Variants in TBC1D5 observed in about 807,000 individuals in gnomAD.
The protein encoded by TBC1D5 is TBC1 domain family, member 5.
A neutral mutation model predicts 100.3 loss-of-function variants in TBC1D5; 75 were observed. The ratio of observed to expected loss-of-function variants is 0.75; its 90% confidence interval spans 0.62 to 0.91. The LOEUF (loss-of-function observed/expected upper bound fraction) is 0.91. Among genes scored for constraint, TBC1D5 ranks in the 40% least tolerant of loss-of-function variants. The pLI is 0.00. For synonymous variants in TBC1D5, 323 were observed against 325.6 expected (o/e 0.99, Z 0.09); for missense variants, 910 against 942.4 (o/e 0.97, Z 0.45).
intron 13 of TBC1D5, among the ~76,000 whole-genome samples, chr3:17,363,660 G>A (rs58035365): frequency 0.061 from 9,165 of 150,880 alleles, 547 homozygotes; most frequent in African/African-American, 0.15. Flanking sequence ...ATATCTTCCC[G>A]CCACGACCTC....
intron 16 of TBC1D5, among the ~76,000 whole-genome samples, chr3:17,257,610 G>T (rs1418168515): frequency 6.6e-6 from 1 of 152,026 alleles, no homozygotes; most frequent in African/African-American, 2.4e-5. Context: ...CTAAGACAAG[G>T]TTCAAATTTC....
intron 19 of TBC1D5, among the ~76,000 whole-genome samples, chr3:17,174,821 T>C (rs1040406864): frequency 1.3e-5 from 2 of 152,170 alleles, no homozygotes; most frequent in Admixed American, 6.5e-5. Context: ...CTCGAACTCC[T>C]GACCTTGTGA....
intron 2 of TBC1D5, among the ~76,000 whole-genome samples, chr3:17,618,880 G>A (rs1219193914): frequency 6.6e-6 from 1 of 152,190 alleles, no homozygotes; most frequent in Non-Finnish European, 1.5e-5. Context: ...GCCCCGCCTT[G>A]CTTCAGCTCA....
chr3:17,680,644 T>TA (rs2069324187), intron 1 of TBC1D5, among the ~76,000 whole-genome samples: 1 of 151,360 alleles, frequency 6.6e-6, no homozygotes, highest in Non-Finnish European at 1.5e-5. Flanking sequence ...TGTGTGATAT[T>TA]GTTTTTGTTG....
intron 1 of TBC1D5, among the ~76,000 whole-genome samples, chr3:17,706,427 A>G (rs2074181532): frequency 8.2e-6 from 1 of 122,234 alleles, no homozygotes; most frequent in African/African-American, 3.3e-5. Context: ...TTACTTACAC[A>G]CACACACACA....
chr3:17,724,075 C>CTT (rs969049204), intron 1 of TBC1D5, among the ~76,000 whole-genome samples: 41 of 131,000 alleles, frequency 3.1e-4, no homozygotes, highest in East Asian at 1.1e-3. Flanking sequence ...CGATTGGCAA[C>CTT]TTTTTTTTTT....
At chr3:17,720,334 C>T (rs79044211) in intron 1 of TBC1D5, among the ~76,000 whole-genome samples, 5,268 of 152,200 alleles carry the variant, frequency 0.035, 123 homozygotes, top group Non-Finnish European at 0.05. Flanking sequence ...AAAACCTCTG[C>T]ATTGTCTTTA....
chr3:17,606,621 TAATTC>T (rs1247758396), intron 2 of TBC1D5, among the ~76,000 whole-genome samples: 1 of 152,132 alleles, frequency 6.6e-6, no homozygotes, highest in Admixed American at 6.5e-5. Context: ...AAGAAATGCT[TAATTC>T]AATATAATTA....
intron 1 of TBC1D5, among the ~76,000 whole-genome samples, chr3:17,685,967 G>A (rs1042053844): frequency 2.0e-5 from 3 of 152,060 alleles, no homozygotes; most frequent in African/African-American, 7.2e-5. Flanking sequence ...ATGGGAAGTC[G>A]ACATTATTAG....
chr3:17,680,270 C>A (rs934287171), intron 1 of TBC1D5, among the ~76,000 whole-genome samples: 1 of 149,670 alleles, frequency 6.7e-6, no homozygotes, highest in African/African-American at 2.5e-5. Flanking sequence ...CTTGCTATGT[C>A]ATCCAGGCTG....
intron 3 of TBC1D5, among the ~76,000 whole-genome samples, chr3:17,505,809 C>T (rs1198513142): frequency 6.6e-6 from 1 of 152,052 alleles, no homozygotes. Flanking sequence ...GATCATAGAT[C>T]TTGGAATTTT....
chr3:17,351,556 A>C (rs563219788), intron 13 of TBC1D5, among the ~76,000 whole-genome samples: 24 of 152,212 alleles, frequency 1.6e-4, no homozygotes, highest in South Asian at 1.2e-3. Context: ...AGGGAGGGGA[A>C]CATCATACAC....
At chr3:17,673,451 C>T (rs762513088) in intron 1 of TBC1D5, among the ~76,000 whole-genome samples, 28 of 151,286 alleles carry the variant, frequency 1.9e-4, no homozygotes, top group Admixed American at 4.0e-4. Flanking sequence ...CCTGAGACTA[C>T]AGGCATGTGC....
At chr3:17,423,533 CT>C (rs776446207) in intron 4 of TBC1D5, among the ~76,000 whole-genome samples, 1 of 152,086 alleles carries the variant, frequency 6.6e-6, no homozygotes, top group Non-Finnish European at 1.5e-5. Flanking sequence ...TGACTTCTAA[CT>C]GAGCATCTTT....
chr3:17,708,169 A>G (rs4568172), intron 1 of TBC1D5, among the ~76,000 whole-genome samples: 86,888 of 152,010 alleles, frequency 0.57, 25,651 homozygotes, highest in East Asian at 0.99. Context: ...TGTCAGTTAC[A>G]TATTTAAATA....
At chr3:17,303,363 C>T (rs1447171746) in intron 14 of TBC1D5, among the ~76,000 whole-genome samples, 1 of 152,194 alleles carries the variant, frequency 6.6e-6, no homozygotes, top group Non-Finnish European at 1.5e-5. Context: ...CTGGTAAACA[C>T]TGGTTGAATG....
chr3:17,559,059 G>A (rs561853012), intron 2 of TBC1D5, among the ~76,000 whole-genome samples: 3 of 149,646 alleles, frequency 2.0e-5, no homozygotes, highest in Middle Eastern at 3.4e-3. Flanking sequence ...ATATTTTACG[G>A]TCTATTTTCT....
chr3:17,699,390 T>C, intron 1 of TBC1D5, among the ~76,000 whole-genome samples: 1 of 105,872 alleles, frequency 9.4e-6, no homozygotes, highest in Non-Finnish European at 1.9e-5. Flanking sequence ...CTGGGGACTG[T>C]TGTGGGGTGG....
intron 16 of TBC1D5, among the ~76,000 whole-genome samples, chr3:17,238,982 T>C (rs561991152): frequency 6.6e-6 from 1 of 152,322 alleles, no homozygotes; most frequent in Admixed American, 6.5e-5. Flanking sequence ...CCTTATTCTC[T>C]ACCCCAGTGC....
Sources: allele counts gnomAD v4.1 joint callset (sites outside exome capture counted in the v4.1 genomes callset), GRCh38; gene constraint gnomAD v4.1.1; transcripts MANE v1.5; gene names NCBI Gene and HGNC (gene_info 2026-07-23, HGNC 2026-07-21).